Variants in RALB observed in about 807,000 individuals in gnomAD.
The protein encoded by RALB is ras-related protein Ral-B.
A neutral mutation model predicts 21.3 loss-of-function variants in RALB; 16 were observed. That is an observed-to-expected ratio of 0.75 (90% confidence interval 0.51 to 1.14). The LOEUF (loss-of-function observed/expected upper bound fraction) is 1.14, where lower values mean the gene tolerates loss of function less well. RALB is among the 50% of genes most tolerant of loss of function. The pLI is 0.00. For synonymous variants in RALB, 93 were observed against 96.1 expected (o/e 0.97, Z 0.19); for missense variants, 161 against 256.2 (o/e 0.63, Z 2.54).
At chr2:120,251,847 T>C (rs192003773), upstream of RALB, among the ~76,000 whole-genome samples, 94 of 152,322 alleles carry the variant, frequency 6.2e-4, no homozygotes, top group Non-Finnish European at 8.8e-4. Context: ...AGGTAAAGCT[T>C]CTGTGCTTTT....
intron 1 of RALB, among the ~76,000 whole-genome samples, chr2:120,257,265 C>G (rs1021416574): frequency 5.9e-5 from 9 of 152,194 alleles, no homozygotes; most frequent in Non-Finnish European, 1.3e-4. Context: ...AACCTAAACC[C>G]TCTTACTCCT....
rs141396583 is a variant in RALB, at chr2:120,262,895, C to T, written c.-48+9915C>T. ...TTCCAGGTGGAGTATGCCTTTGGTA[C>T]GCGTTTTCCACGTGTCCCTCTCCAC... On this transcript the variant is annotated intron_variant, in intron 1 of 4. Coordinates refer to ENST00000272519, the MANE Select transcript of RALB (RefSeq NM_002881.3). Among the ~76,000 whole-genome samples the T allele has an allele frequency of 5.9e-3, 893 of 152,220 alleles. 3 individuals carry two copies. The highest frequency in any genetic ancestry group is 0.012 in the Admixed American group (177 of 15,296).
chr2:120,292,215 C>T (rs554370452), intron 4 of RALB, among the ~76,000 whole-genome samples: 96 of 152,134 alleles, frequency 6.3e-4, no homozygotes, highest in Non-Finnish European at 1.0e-3. Context: ...TCACAAGGGT[C>T]GGAGGAGTGG....
chr2:120,269,123 T>C (rs1689582214), intron 1 of RALB, among the ~76,000 whole-genome samples: 1 of 152,184 alleles, frequency 6.6e-6, no homozygotes, highest in African/African-American at 2.4e-5. Context: ...ATTTGGTTTG[T>C]TCCTTCCGTG....
chr2:120,288,341 A>ATTTTTT (rs1690217441), intron 3 of RALB, among the ~76,000 whole-genome samples: 3 of 58,890 alleles, frequency 5.1e-5, no homozygotes, highest in South Asian at 5.0e-4. Context: ...TGAAAATTTT[A>ATTTTTT]GTTTTTTTTT....
At chr2:120,256,378 A>C (rs1689199489) in intron 1 of RALB, among the ~76,000 whole-genome samples, 1 of 152,042 alleles carries the variant, frequency 6.6e-6, no homozygotes, top group African/African-American at 2.4e-5. Context: ...TTCGTGGCTG[A>C]TATGGTTTGG....
chr2:120,260,501 A>G (rs1689336135), intron 1 of RALB, among the ~76,000 whole-genome samples: 1 of 152,204 alleles, frequency 6.6e-6, no homozygotes, highest in African/African-American at 2.4e-5. Context: ...TCAGGTTCGT[A>G]AGTTGTCTGT....
chr2:120,285,958 C>G lies in RALB; in HGVS notation c.199C>G (p.Leu67Val). 1 of 1,614,016 alleles carries G rather than the reference C, an allele frequency of 6.2e-7. No homozygotes were observed. The highest frequency in any genetic ancestry group is 8.5e-7 in the Non-Finnish European group (1 of 1,179,942). The change falls in exon 3 of 5, where the codon CTG becomes GTG. Residue 67 changes from leucine to valine, a missense_variant. Coordinates refer to ENST00000272519, the MANE Select transcript of RALB (RefSeq NM_002881.3). ...LDGEEVQIDI[L>V]DTAGQEDYAA... is the part of the protein sequence containing the mutation. ...TGGGGAAGAAGTTCAGATAGATATT[C>G]TGGACACCGCTGGGCAAGAGGACTA...
At chr2:120,270,468 G>A (rs1689635353) in intron 1 of RALB, among the ~76,000 whole-genome samples, 1 of 152,210 alleles carries the variant, frequency 6.6e-6, no homozygotes, top group Non-Finnish European at 1.5e-5. Flanking sequence ...TTGTGTTCGA[G>A]TGAGCTGAGG....
chr2:120,280,204 A>G (rs911889640), intron 2 of RALB, among the ~76,000 whole-genome samples: 5 of 152,192 alleles, frequency 3.3e-5, no homozygotes, highest in African/African-American at 1.2e-4. Context: ...TAAATTTGGC[A>G]GTAATCCCAA....
At chr2:120,263,050 G>A (rs1459815271) in intron 1 of RALB, among the ~76,000 whole-genome samples, 1 of 152,176 alleles carries the variant, frequency 6.6e-6, no homozygotes, top group Non-Finnish European at 1.5e-5. Flanking sequence ...GGGGGACTGC[G>A]TCTGAGCAAA....
chr2:120,243,297 G>T (rs992771098), intron 1 of RALB, among the ~76,000 whole-genome samples: 6 of 152,252 alleles, frequency 3.9e-5, no homozygotes, highest in African/African-American at 1.2e-4. Flanking sequence ...CATCAAGAAG[G>T]CTTCTTAGAG....
intron 3 of RALB, among the ~76,000 whole-genome samples, chr2:120,289,016 T>C (rs1391820123): frequency 3.3e-5 from 5 of 152,178 alleles, no homozygotes; most frequent in African/African-American, 9.7e-5. Context: ...TCTGATCTGG[T>C]CAGTTCTGTT....
chr2:120,273,853 T>G (rs1254492966), intron 1 of RALB, among the ~76,000 whole-genome samples: 1 of 152,224 alleles, frequency 6.6e-6, no homozygotes, highest in African/African-American at 2.4e-5. Context: ...TTTCCCTTAA[T>G]TATGCCAAGT....
At position 120,293,606 on chromosome 2, in the gene RALB, A is replaced by G. The variant is rs1258276374; in HGVS notation, c.*346A>G. On this transcript the variant is annotated 3_prime_UTR_variant, in exon 5 of 5. Transcript: ENST00000272519. ...CTTATTTTGTTCCTAGTTTTATAAC[A>G]TTACCATCCTTCGTTTTGAACTACA... 6.0e-6 allele frequency: 1 copy of G among 167,394 alleles called. No individual in the cohort carries two copies. Among genetic ancestry groups the G allele is most frequent in the East Asian group, 1.8e-4 (1 of 5,682 alleles). The allele number at this position is 167,394 out of a possible 1,614,324, so 10.4% of individuals were successfully genotyped here.
chr2:120,287,050 A>T (rs950006116), intron 3 of RALB, among the ~76,000 whole-genome samples: 2 of 152,236 alleles, frequency 1.3e-5, no homozygotes, highest in Non-Finnish European at 1.5e-5. Flanking sequence ...ATGACTTTTT[A>T]AGAAGCAGAT....
intron 1 of RALB, among the ~76,000 whole-genome samples, chr2:120,277,805 G>C (rs1689861297): frequency 6.7e-6 from 1 of 150,148 alleles, no homozygotes; most frequent in South Asian, 2.1e-4. Flanking sequence ...TAGTGTGTGA[G>C]AGCGTGTGAG....
intron 1 of RALB, among the ~76,000 whole-genome samples, chr2:120,278,276 G>GA (rs1340353973): frequency 6.6e-6 from 1 of 152,200 alleles, no homozygotes; most frequent in African/African-American, 2.4e-5. Flanking sequence ...AGAGAGGTAG[G>GA]AAACTGGAGC....
intron 1 of RALB, among the ~76,000 whole-genome samples, chr2:120,244,765 A>G (rs1016282139): frequency 1.3e-5 from 2 of 152,198 alleles, no homozygotes; most frequent in Non-Finnish European, 2.9e-5. Flanking sequence ...ATTCACAGAT[A>G]TGACCTCTGG....
Sources: allele counts gnomAD v4.1 joint callset (sites outside exome capture counted in the v4.1 genomes callset), GRCh38; gene constraint gnomAD v4.1.1; transcripts MANE v1.5; gene names NCBI Gene and HGNC (gene_info 2026-07-23, HGNC 2026-07-21).